GRIK2: variants seen among roughly 807,000 people sequenced by gnomAD.
GRIK2 encodes the protein glutamate receptor ionotropic, kainate 2.
Under a neutral mutation model 100.3 loss-of-function variants are expected in GRIK2, and 32 were observed. That is an observed-to-expected ratio of 0.32 (90% CI 0.24 to 0.43). The LOEUF (loss-of-function observed/expected upper bound fraction) is 0.43. Ranked by LOEUF, GRIK2 falls within the 20% of genes least tolerant of loss-of-function variation. The pLI is 1.00. For missense variants in GRIK2, 843 were observed against 1,114.9 expected, an observed-to-expected ratio of 0.76 and a Z score of 3.47; for synonymous variants, 417 against 389.4, an observed-to-expected ratio of 1.07 and a Z score of -0.83.
intron 14 of GRIK2, among the ~76,000 whole-genome samples, chr6:101,960,123 C>T (rs531008594): frequency 4.7e-4 from 61 of 130,776 alleles, no homozygotes; most frequent in Admixed American, 2.6e-3. Flanking sequence ...TTTTCTTCTA[C>T]TTGCTCTAAT....
chr6:101,711,532 G>C (rs955346911), intron 7 of GRIK2, among the ~76,000 whole-genome samples: 1 of 151,758 alleles, frequency 6.6e-6, no homozygotes, highest in African/African-American at 2.4e-5. Context: ...TAAAGAGGAT[G>C]ATTGAGTTTA....
intron 14 of GRIK2, among the ~76,000 whole-genome samples, chr6:101,955,651 T>C (rs1245218310): frequency 1.3e-5 from 2 of 149,762 alleles, no homozygotes; most frequent in Non-Finnish European, 3.0e-5. Context: ...TTTGGTAGTT[T>C]GTGTTTTTTA....
At chr6:101,925,662 A>G (rs368187479) in intron 13 of GRIK2, among the ~76,000 whole-genome samples, 3 of 151,948 alleles carry the variant, frequency 2.0e-5, no homozygotes, top group Non-Finnish European at 4.4e-5. Context: ...AAAAAAAAAC[A>G]TATTTCTTCA....
chr6:101,715,169 G>C (rs979536516), intron 7 of GRIK2, among the ~76,000 whole-genome samples: 1 of 151,752 alleles, frequency 6.6e-6, no homozygotes, highest in Non-Finnish European at 1.5e-5. Flanking sequence ...GTTCAGAAAC[G>C]TCATTAAAAT....
Position 101,760,380 on chromosome 6 carries a change from T to C in GRIK2, c.952-39268T>C, listed in dbSNP as rs1054446480. Among the ~76,000 whole-genome samples, 3 of 71,314 alleles carry C rather than the reference T, an allele frequency of 4.2e-5. 1 individual carries two copies. The East Asian group carries it at 3.4e-3, about 80-fold the overall frequency. The allele number at this position is 71,314 out of a possible 152,430, so 46.8% of individuals were successfully genotyped here. ...TATATTTAATTATATATTTATTATA[T>C]ATAATTAATTATATTTAATTATATA... On this transcript the variant is annotated intron_variant, in intron 7 of 16. Coordinates refer to ENST00000369134, the MANE Select transcript of GRIK2 (RefSeq NM_021956.5).
intron 14 of GRIK2, among the ~76,000 whole-genome samples, chr6:102,020,964 G>A (rs1348868664): frequency 1.3e-5 from 2 of 151,646 alleles, no homozygotes; most frequent in South Asian, 2.1e-4. Flanking sequence ...GTACATATTT[G>A]AGAATATTCA....
At chr6:101,680,620 A>T (rs1419969110) in intron 5 of GRIK2, among the ~76,000 whole-genome samples, 1 of 152,158 alleles carries the variant, frequency 6.6e-6, no homozygotes, top group African/African-American at 2.4e-5. Context: ...ATTTTTAGTT[A>T]TACATCTGAA....
At chr6:101,879,748 A>T (rs2128452695) in intron 11 of GRIK2, among the ~76,000 whole-genome samples, 1 of 151,922 alleles carries the variant, frequency 6.6e-6, no homozygotes, top group Middle Eastern at 3.4e-3. Flanking sequence ...CATGAAAATA[A>T]GTAGCCCCAG....
chr6:101,525,034 C>T (rs941952930), intron 2 of GRIK2, among the ~76,000 whole-genome samples: 2 of 152,112 alleles, frequency 1.3e-5, no homozygotes, highest in Non-Finnish European at 2.9e-5. Context: ...CACTGAGCCC[C>T]CACTTGCGTG....
chr6:101,531,038 TTGTA>T (rs1241115177), intron 2 of GRIK2, among the ~76,000 whole-genome samples: 1 of 152,028 alleles, frequency 6.6e-6, no homozygotes, highest in Non-Finnish European at 1.5e-5. Flanking sequence ...TCTTATTTCA[TTGTA>T]TGTAGGAAAA....
chr6:102,036,662 A>C lies in GRIK2; in HGVS notation c.2311+1096A>C, dbSNP rs1313878669. 2.6e-5 allele frequency among the ~76,000 whole-genome samples: 4 copies of C among 151,468 alleles called. No homozygotes were observed. The East Asian group carries it at 7.8e-4, about 30-fold the overall frequency. On this transcript the variant is annotated intron_variant, in intron 15 of 16. Coordinates refer to ENST00000369134, the MANE Select transcript of GRIK2 (RefSeq NM_021956.5). Reference sequence around the variant, plus strand: ...TTTTTGGTATTGAAGATGTAAGAAGAAGCCATGAGCCAAGAAATGCCAGGT... The same window carrying C: ...TTTTTGGTATTGAAGATGTAAGAAGCAGCCATGAGCCAAGAAATGCCAGGT...
chr6:102,065,734 A>G, intron 16 of GRIK2: 1 of 1,014,736 alleles, frequency 9.9e-7, no homozygotes. Flanking sequence ...TTAAATGTCA[A>G]CGGGATCAAG....
intron 14 of GRIK2, among the ~76,000 whole-genome samples, chr6:101,967,795 T>C (rs965473386): frequency 6.6e-6 from 1 of 152,072 alleles, no homozygotes; most frequent in African/African-American, 2.4e-5. Flanking sequence ...TCATTATTCA[T>C]CTCATAGAAA....
intron 14 of GRIK2, among the ~76,000 whole-genome samples, chr6:102,011,600 T>C (rs1795539963): frequency 8.4e-6 from 1 of 118,352 alleles, no homozygotes; most frequent in South Asian, 2.7e-4. Context: ...TTTTTTTTTT[T>C]TGAGGCAGAG....
At chr6:101,633,431 A>G (rs1049376498) in intron 4 of GRIK2, among the ~76,000 whole-genome samples, 1 of 152,080 alleles carries the variant, frequency 6.6e-6, no homozygotes, top group Non-Finnish European at 1.5e-5. Context: ...GAGTTGATGC[A>G]TGTATAAGGT....
intron 10 of GRIK2, among the ~76,000 whole-genome samples, chr6:101,858,414 G>C: frequency 7.5e-6 from 1 of 132,934 alleles, no homozygotes; most frequent in Non-Finnish European, 1.6e-5. Context: ...TTGAGACGGA[G>C]TCTCACTCTG....
intron 10 of GRIK2, among the ~76,000 whole-genome samples, chr6:101,837,500 A>G (rs1582345406): frequency 6.6e-6 from 1 of 152,198 alleles, no homozygotes; most frequent in Admixed American, 6.5e-5. Flanking sequence ...ACATTGTTTC[A>G]TAAGCCCTAA....
intron 2 of GRIK2, among the ~76,000 whole-genome samples, chr6:101,560,683 T>C (rs1182120057): frequency 6.6e-6 from 1 of 151,750 alleles, no homozygotes; most frequent in Admixed American, 6.6e-5. Flanking sequence ...CTCTAAATTC[T>C]TTAAGGTAAC....
At chr6:101,857,770 A>G (rs556074778) in intron 10 of GRIK2, among the ~76,000 whole-genome samples, 4 of 152,354 alleles carry the variant, frequency 2.6e-5, no homozygotes, top group African/African-American at 9.6e-5. Context: ...GTGCTAATGC[A>G]TGGAATCTTT....
Sources: gnomAD v4.1 joint callset for allele counts (sites outside exome capture counted in the v4.1 genomes callset) on GRCh38, gnomAD v4.1.1 for gene constraint, MANE v1.5 for transcripts, NCBI Gene and HGNC (gene_info 2026-07-23, HGNC 2026-07-21) for gene names.